DCC: variants seen among roughly 807,000 people sequenced by gnomAD.
DCC encodes the protein DCC netrin 1 receptor.
A neutral mutation model predicts 172.5 loss-of-function variants in DCC; 58 were observed. The observed-to-expected ratio is 0.34, with a 90% CI of 0.27 to 0.42. The LOEUF is 0.42. DCC is among the 10% of genes least tolerant of loss of function. DCC has a pLI of 1.00. For synonymous variants in DCC, 709 were observed against 644.5 expected, an observed-to-expected ratio of 1.10 and a Z score of -1.52; for missense variants, 1,740 against 1,791.0, an observed-to-expected ratio of 0.97 and a Z score of 0.51.
chr18:52,450,691 C>T (rs939182778), intron 1 of DCC, among the ~76,000 whole-genome samples: 2 of 152,052 alleles, frequency 1.3e-5, no homozygotes, highest in Non-Finnish European at 2.9e-5. Context: ...ATTTTGTTCA[C>T]CAATATGTCT....
chr18:52,403,639 A>G (rs1986524169), intron 1 of DCC, among the ~76,000 whole-genome samples: 6 of 152,084 alleles, frequency 3.9e-5, no homozygotes, highest in Admixed American at 3.9e-4. Flanking sequence ...AGAGGAAATG[A>G]AAATGAAAAT....
intron 27 of DCC, among the ~76,000 whole-genome samples, chr18:53,504,696 TTCCTC>T (rs1555680300): frequency 1.3e-5 from 2 of 152,220 alleles, no homozygotes; most frequent in Non-Finnish European, 2.9e-5. Context: ...AAATTAGTAT[TTCCTC>T]TGAGGTTTTA....
At chr18:53,001,252 A>G (rs9962352) in intron 5 of DCC, among the ~76,000 whole-genome samples, 8,346 of 152,148 alleles carry the variant, frequency 0.055, 419 homozygotes, top group East Asian at 0.21. Flanking sequence ...ATAATGTTCA[A>G]TAGCGCCTTC....
intron 14 of DCC, among the ~76,000 whole-genome samples, chr18:53,338,740 C>T (rs1396403123): frequency 1.3e-5 from 2 of 152,116 alleles, no homozygotes; most frequent in African/African-American, 2.4e-5. Flanking sequence ...AACACACAAT[C>T]CCTTTAAAAG....
chr18:52,963,258 T>A (rs114270471), intron 5 of DCC, among the ~76,000 whole-genome samples: 1,842 of 151,972 alleles, frequency 0.012, 39 homozygotes, highest in African/African-American at 0.042. Context: ...TATTTTTATT[T>A]CTTTATATCT....
intron 1 of DCC, among the ~76,000 whole-genome samples, chr18:52,411,429 A>G (rs1019732805): frequency 9.2e-5 from 14 of 152,198 alleles, no homozygotes; most frequent in African/African-American, 3.1e-4. Flanking sequence ...AACTGTCATT[A>G]TCTGAGGCAA....
intron 12 of DCC, among the ~76,000 whole-genome samples, chr18:53,249,368 A>T (rs1172599726): frequency 6.6e-6 from 1 of 151,942 alleles, no homozygotes; most frequent in South Asian, 2.1e-4. Flanking sequence ...GTCTCAGGCT[A>T]AATATTGATG....
chr18:53,203,218 TGTGTGTGTGTGTGTGTGC>T (rs1246964135), intron 9 of DCC, among the ~76,000 whole-genome samples: 1 of 151,434 alleles, frequency 6.6e-6, no homozygotes, highest in Admixed American at 6.6e-5. Flanking sequence ...TGTGTGTGTG[TGTGTGTGTGTGTGTGTGC>T]GTGTGTGTGT....
At chr18:53,159,618 AC>A (rs2054802019) in intron 8 of DCC, among the ~76,000 whole-genome samples, 1 of 152,260 alleles carries the variant, frequency 6.6e-6, no homozygotes, top group African/African-American at 2.4e-5. Context: ...GGAACTTCAG[AC>A]TTCTTTCAAT....
intron 13 of DCC, among the ~76,000 whole-genome samples, chr18:53,315,942 C>A (rs936476929): frequency 3.3e-5 from 5 of 152,116 alleles, no homozygotes; most frequent in Non-Finnish European, 7.4e-5. Flanking sequence ...ATAATACTTT[C>A]TTTTGCTGTG....
At chr18:52,743,295 A>G (rs1044309874) in intron 1 of DCC, among the ~76,000 whole-genome samples, 14 of 152,298 alleles carry the variant, frequency 9.2e-5, no homozygotes, top group African/African-American at 3.4e-4. Flanking sequence ...CTGATGAAAA[A>G]CACGGAAGCT....
chr18:52,869,797 A>C (rs2039288472), intron 2 of DCC, among the ~76,000 whole-genome samples: 1 of 152,170 alleles, frequency 6.6e-6, no homozygotes, highest in South Asian at 2.1e-4. Context: ...GCTTGGCCCC[A>C]ACCCTGTTCC....
intron 14 of DCC, among the ~76,000 whole-genome samples, chr18:53,338,952 A>C (rs2057622601): frequency 6.6e-6 from 1 of 152,216 alleles, no homozygotes. Context: ...GTGAGTATAC[A>C]ATACAAGTTT....
intron 1 of DCC, among the ~76,000 whole-genome samples, chr18:52,464,473 A>G (rs1173678316): frequency 1.3e-5 from 2 of 152,196 alleles, no homozygotes; most frequent in Admixed American, 6.5e-5. Context: ...TTAGGCAAGC[A>G]TATTCATTAG....
chr18:52,925,119 C>T lies in DCC; in HGVS notation c.849-115C>T, dbSNP rs2040181231. ...ACTTTAATCAAGCCCTTATGATACA[C>T]AGTTTCTTTCAAGTGTCTTAATTTG... On this transcript the variant is annotated intron_variant, in intron 4 of 28. Transcript: ENST00000442544. 7 of 1,035,392 alleles carry T rather than the reference C, an allele frequency of 6.8e-6. No individual in the cohort carries two copies. In the South Asian group the frequency reaches 9.0e-5, roughly 13 times the overall value. 64.1% of individuals were successfully genotyped at this position (1,035,392 alleles called of 1,614,324 possible).
At chr18:53,085,697 C>G (rs1016733893) in intron 7 of DCC, among the ~76,000 whole-genome samples, 1 of 151,678 alleles carries the variant, frequency 6.6e-6, no homozygotes, top group Non-Finnish European at 1.5e-5. Context: ...ATAAAGCTAA[C>G]TTCTCAGGTG....
chr18:52,981,535 T>A (rs1261984222), intron 5 of DCC, among the ~76,000 whole-genome samples: 2 of 151,982 alleles, frequency 1.3e-5, no homozygotes, highest in Admixed American at 6.6e-5. Context: ...AAAAAAAAAA[T>A]TGTCCTTTGA....
intron 2 of DCC, among the ~76,000 whole-genome samples, chr18:52,793,809 T>C (rs2037820717): frequency 6.6e-6 from 1 of 152,232 alleles, no homozygotes; most frequent in Non-Finnish European, 1.5e-5. Context: ...AGTTGATTTT[T>C]GTATGTGGCA....
chr18:53,322,228 A>G (rs2057420005), intron 14 of DCC, 71 bp downstream of exon 14: 2 of 865,574 alleles, frequency 2.3e-6, no homozygotes, highest in African/African-American at 1.7e-5. Context: ...GGTCTCTTAA[A>G]AAAGGAATGA....
Sources: allele counts gnomAD v4.1 joint callset (sites outside exome capture counted in the v4.1 genomes callset), GRCh38; gene constraint gnomAD v4.1.1; transcripts MANE v1.5; gene names NCBI Gene and HGNC (gene_info 2026-07-23, HGNC 2026-07-21).